The following PICALM variants were observed in gnomAD, a reference collection of about 807,000 sequenced individuals.
PICALM encodes phosphatidylinositol binding clathrin assembly protein, also known as phosphatidylinositol-binding clathrin assembly protein.
Under a neutral mutation model 80.5 loss-of-function variants are expected in PICALM, and 40 were observed. The ratio of observed to expected loss-of-function variants is 0.50; its 90% CI spans 0.39 to 0.65. The LOEUF (loss-of-function observed/expected upper bound fraction) is 0.65. PICALM is among the 30% of genes least tolerant of loss of function. The pLI is 0.00. For missense variants in PICALM, 676 were observed against 778.9 expected (o/e 0.87, Z 1.57); for synonymous variants, 288 against 260.3 (o/e 1.11, Z -1.02).
chr11:86,007,120 C>G (rs1417128936), intron 8 of PICALM, among the ~76,000 whole-genome samples: 1 of 152,110 alleles, frequency 6.6e-6, no homozygotes, highest in Non-Finnish European at 1.5e-5. Flanking sequence ...TGGTTTATCC[C>G]TAAATTAATA....
At chr11:85,969,556 C>A in intron 19 of PICALM, 1 of 257,478 alleles carries the variant, frequency 3.9e-6, no homozygotes, top group Non-Finnish European at 8.1e-6. Flanking sequence ...AAAGGTAATT[C>A]ATTAAGAAAA....
chr11:86,013,079 AT>A (rs2095425320), intron 5 of PICALM, among the ~76,000 whole-genome samples: 1 of 152,148 alleles, frequency 6.6e-6, no homozygotes, highest in Non-Finnish European at 1.5e-5. Context: ...AGGCAGGAGG[AT>A]TGCTTGAGCC....
At chr11:85,979,712 G>A (rs906201369) in intron 17 of PICALM, among the ~76,000 whole-genome samples, 1 of 151,982 alleles carries the variant, frequency 6.6e-6, no homozygotes, top group Non-Finnish European at 1.5e-5. Context: ...ATTAACCCAC[G>A]GAAAACAGGG....
chr11:86,044,802 C>A (rs1235006044), intron 1 of PICALM, among the ~76,000 whole-genome samples: 1 of 152,220 alleles, frequency 6.6e-6, no homozygotes, highest in Admixed American at 6.5e-5. Flanking sequence ...TTGTGAACTG[C>A]ACATGCAAGG....
chr11:86,043,639 G>C (rs2096014744), intron 1 of PICALM, among the ~76,000 whole-genome samples: 1 of 152,134 alleles, frequency 6.6e-6, no homozygotes, highest in African/African-American at 2.4e-5. Context: ...CCTTATACAT[G>C]TGTTCATATG....
chr11:86,005,842 A>C (rs2095265040), intron 8 of PICALM, among the ~76,000 whole-genome samples: 1 of 152,182 alleles, frequency 6.6e-6, no homozygotes, highest in Non-Finnish European at 1.5e-5. Context: ...TCGTCCCTAA[A>C]GTGTAAATAG....
rs769356813 is a variant in PICALM at position 86,023,927 on chromosome 11, C to A, written c.350-1458G>T. 3.3e-5 allele frequency among the ~76,000 whole-genome samples: 5 copies of A among 152,052 alleles called. No homozygotes were observed. In the East Asian group the frequency reaches 9.6e-4, roughly 29 times the overall value. ...TCGCTTTAGACCAAGAGTTCAAGAC[C>A]AACCTGGTCAACAGAGCAAGAGCCC... On this transcript the variant is annotated intron_variant, in intron 3 of 19. Coordinates refer to ENST00000393346, the MANE Select transcript of PICALM (RefSeq NM_007166.4).
intron 17 of PICALM, chr11:85,977,953 CA>C: frequency 1.3e-6 from 1 of 777,170 alleles, no homozygotes; most frequent in Non-Finnish European, 2.3e-6. Flanking sequence ...GAATTTCTGG[CA>C]CATTGAAAAT....
chr11:86,040,003 C>CAA (rs752086947), intron 1 of PICALM, among the ~76,000 whole-genome samples: 665 of 51,986 alleles, frequency 0.013, 11 homozygotes, highest in Middle Eastern at 0.028. Context: ...GACGCCGTCT[C>CAA]AAAAAAAAAA....
chr11:86,053,953 C>T (rs1458738174), intron 1 of PICALM, among the ~76,000 whole-genome samples: 1 of 152,146 alleles, frequency 6.6e-6, no homozygotes, highest in Non-Finnish European at 1.5e-5. Context: ...ATAAAAGTCA[C>T]TAATTAAATC....
chr11:85,973,139 G>C (rs1036489297), intron 19 of PICALM, among the ~76,000 whole-genome samples: 1 of 152,092 alleles, frequency 6.6e-6, no homozygotes, highest in African/African-American at 2.4e-5. Context: ...ATGGACAAAG[G>C]GTGGGGTAAA....
chr11:85,961,047 T>C (rs1418035760), intron 19 of PICALM, among the ~76,000 whole-genome samples: 1 of 134,480 alleles, frequency 7.4e-6, no homozygotes, highest in Non-Finnish European at 1.5e-5. Flanking sequence ...AAGGTCGATA[T>C]AAGCTGACCC....
intron 7 of PICALM, among the ~76,000 whole-genome samples, chr11:86,010,506 T>C (rs1565399084): frequency 6.6e-6 from 1 of 152,086 alleles, no homozygotes; most frequent in Non-Finnish European, 1.5e-5. Flanking sequence ...TTTGTATCTT[T>C]AGTATAGACG....
intron 12 of PICALM, among the ~76,000 whole-genome samples, chr11:85,994,016 G>A (rs1341372886): frequency 2.0e-5 from 3 of 151,850 alleles, no homozygotes; most frequent in African/African-American, 4.8e-5. Flanking sequence ...CACTGCACCT[G>A]CCCAGATAAT....
At chr11:86,053,594 G>A (rs183232137) in intron 1 of PICALM, among the ~76,000 whole-genome samples, 11 of 152,196 alleles carry the variant, frequency 7.2e-5, no homozygotes, top group Admixed American at 7.2e-4. Context: ...TTTTGAGACA[G>A]GGTCTCACTG....
chr11:86,068,118 GGCGAAGC>G (rs771565788), intron 1 of PICALM, among the ~76,000 whole-genome samples: 33 of 152,224 alleles, frequency 2.2e-4, no homozygotes, highest in Admixed American at 1.4e-3. Context: ...GGAAGGGATG[GGCGAAGC>G]AGCTAGTGGA....
chr11:86,007,631 T>A, intron 7 of PICALM, 48 bp from the exon 8 acceptor site: 1 of 879,746 alleles, frequency 1.1e-6, no homozygotes, highest in South Asian at 2.3e-5. Context: ...AAATATTTTA[T>A]AAATAAAATT....
chr11:85,972,438 G>A (rs1325573896), intron 19 of PICALM, among the ~76,000 whole-genome samples: 1 of 152,176 alleles, frequency 6.6e-6, no homozygotes. Context: ...ATTAGTTGAA[G>A]AACCCTTCCA....
intron 7 of PICALM, among the ~76,000 whole-genome samples, chr11:86,009,208 G>A (rs1483524068): frequency 1.5e-5 from 2 of 136,222 alleles, no homozygotes; most frequent in Admixed American, 8.4e-5. Flanking sequence ...CAGGAGAATC[G>A]CTTGAACCTG....
Sources: gnomAD v4.1 joint callset for allele counts (sites outside exome capture counted in the v4.1 genomes callset) on GRCh38, gnomAD v4.1.1 for gene constraint, MANE v1.5 for transcripts, NCBI Gene and HGNC (gene_info 2026-07-23, HGNC 2026-07-21) for gene names.